Variants in CCDC191 observed in about 807,000 individuals in gnomAD.
The protein encoded by CCDC191 is coiled-coil domain-containing protein 191.
CCDC191 carries 99 observed loss-of-function variants against 114.0 expected under a neutral mutation model. The ratio of observed to expected loss-of-function variants is 0.87; its 90% CI spans 0.74 to 1.03. The LOEUF is 1.03. Among genes scored for constraint, CCDC191 ranks in the 50% least tolerant of loss-of-function variants. The pLI, the probability that CCDC191 is intolerant of heterozygous loss-of-function variation, is 0.00. For missense variants in CCDC191, 973 were observed against 1,087.0 expected (o/e 0.90, Z 1.47); for synonymous variants, 351 against 376.0 (o/e 0.93, Z 0.77).
At position 114,023,685 on chromosome 3, in the gene CCDC191, C is replaced by T. The variant is rs547089857; in HGVS notation, c.973-4817G>A. On this transcript the variant is annotated intron_variant, in intron 7 of 16. Coordinates refer to ENST00000295878, the MANE Select transcript of CCDC191 (RefSeq NM_020817.2). The stretch of plus-strand genomic sequence containing the variant: ...AAGCTGAAAATGGATCGCTTCCTTA[C>T]ACCTTATACAAAAATTAATTCAAGA... 4.6e-5 allele frequency among the ~76,000 whole-genome samples: 7 copies of T among 152,258 alleles called. No homozygotes were observed. In the East Asian group the frequency reaches 1.2e-3, roughly 25 times the overall value.
intron 16 of CCDC191, among the ~76,000 whole-genome samples, chr3:113,965,654 A>G (rs56715399): frequency 0.032 from 4,800 of 152,258 alleles, 236 homozygotes; most frequent in African/African-American, 0.11. Context: ...CAGTGGTGCA[A>G]TCTCGGCTCA....
chr3:114,001,300 G>T (rs2075851536), intron 13 of CCDC191, among the ~76,000 whole-genome samples: 1 of 152,102 alleles, frequency 6.6e-6, no homozygotes, highest in Non-Finnish European at 1.5e-5. Context: ...AATGATAACT[G>T]TCAATAATGT....
At chr3:113,982,076 C>G (rs1475114686) in intron 13 of CCDC191, among the ~76,000 whole-genome samples, 1 of 152,178 alleles carries the variant, frequency 6.6e-6, no homozygotes, top group Non-Finnish European at 1.5e-5. Flanking sequence ...AGATAATAAC[C>G]TTTGGAGAAG....
Position 114,006,615 on chromosome 3 carries a change from T to TATATATATATATATAA in CCDC191, c.1414-654_1414-653insTTATATATATATATAT, listed in dbSNP as rs1371654689. Among the ~76,000 whole-genome samples the TATATATATATATATAA allele has an allele frequency of 7.9e-4, 67 of 84,732 alleles. No homozygotes were observed. The Middle Eastern group carries it at 0.023, about 29-fold the overall frequency. The allele number at this position is 84,732 out of a possible 152,430, so 55.6% of individuals were successfully genotyped here. ...ATATATATATATATATATATATATATATAAATATATATATTTTATATATAA... is the reference window on the plus strand; with the variant it reads ...ATATATATATATATATATATATATATATATATATATATATAAATAAATATATATATTTTATATATAA... On this transcript the variant is annotated intron_variant, in intron 9 of 16. Coordinates refer to ENST00000295878, the MANE Select transcript of CCDC191 (RefSeq NM_020817.2).
At chr3:114,042,287 A>G (rs1466426714) in intron 4 of CCDC191, among the ~76,000 whole-genome samples, 2 of 152,242 alleles carry the variant, frequency 1.3e-5, no homozygotes, top group African/African-American at 4.8e-5. Context: ...CAATACAACA[A>G]TAAAAAATAA....
chr3:113,985,570 A>G (rs1032759020), intron 13 of CCDC191, among the ~76,000 whole-genome samples: 2 of 152,172 alleles, frequency 1.3e-5, no homozygotes, highest in African/African-American at 2.4e-5. Flanking sequence ...CTGAGACTTA[A>G]TCAGAACAGA....
intron 16 of CCDC191, among the ~76,000 whole-genome samples, chr3:113,970,416 T>C (rs1215885679): frequency 6.6e-6 from 1 of 152,104 alleles, no homozygotes; most frequent in Non-Finnish European, 1.5e-5. Flanking sequence ...CATAGTGGCC[T>C]CCCAAAGCCC....
Position 114,031,761 on chromosome 3 carries a change from T to G in CCDC191, c.837A>C (p.Glu279Asp), listed in dbSNP as rs1163430770. The change falls in exon 7 of 17, where the codon GAA becomes GAC. Residue 279 changes from glutamate (E) to aspartate (D), a missense_variant. Transcript: ENST00000295878. ...TTTCTGAACTATTTTGAGAATTCTC[T>G]TCTTGCCTTTTCTTCTCTCTATTAA... is the stretch of plus-strand genomic sequence containing the variant. Reference protein sequence around the residue: ...AAWKIEKKRQEENSQNSSEKV... With the variant: ...AAWKIEKKRQDENSQNSSEKV... 3 of 1,402,992 alleles carry G rather than the reference T, an allele frequency of 2.1e-6. No homozygotes were observed. In the African/African-American group the frequency reaches 4.3e-5, roughly 20 times the overall value. 86.9% of individuals were successfully genotyped at this position (1,402,992 alleles called of 1,614,324 possible).
At chr3:113,998,060 C>T (rs2075768440) in intron 13 of CCDC191, among the ~76,000 whole-genome samples, 1 of 150,908 alleles carries the variant, frequency 6.6e-6, no homozygotes, top group Non-Finnish European at 1.5e-5. Context: ...AATCCCAGCA[C>T]TTTGGGAGGC....
chr3:114,006,772 CTCTTT>C (rs2075978884), intron 9 of CCDC191, among the ~76,000 whole-genome samples: 1 of 151,704 alleles, frequency 6.6e-6, no homozygotes, highest in Admixed American at 6.6e-5. Flanking sequence ...AATAATATAT[CTCTTT>C]TCTTTCAATG....
At chr3:114,053,567 CT>C in intron 2 of CCDC191, 29 bp downstream of exon 2, 1 of 1,420,206 alleles carries the variant, frequency 7.0e-7, no homozygotes, top group Non-Finnish European at 9.8e-7. Context: ...TCTTAATACT[CT>C]TTTTATTCTA....
intron 13 of CCDC191, among the ~76,000 whole-genome samples, chr3:113,998,031 C>T (rs1020114907): frequency 4.0e-5 from 6 of 151,576 alleles, no homozygotes; most frequent in African/African-American, 1.2e-4. Context: ...GTTGGCTGGG[C>T]GTGGTGGCTC....
intron 13 of CCDC191, among the ~76,000 whole-genome samples, chr3:113,989,753 A>G (rs1345249173): frequency 6.6e-6 from 1 of 152,196 alleles, no homozygotes; most frequent in Non-Finnish European, 1.5e-5. Context: ...TGGGAGGCCA[A>G]GGTGGGAGGA....
chr3:113,990,716 C>A (rs71319392), intron 13 of CCDC191, among the ~76,000 whole-genome samples: 1 of 151,494 alleles, frequency 6.6e-6, no homozygotes, highest in African/African-American at 2.4e-5. Context: ...TTTACATACT[C>A]TCTTTCAAAA....
chr3:114,037,942 T>C (rs1022792125), intron 4 of CCDC191, among the ~76,000 whole-genome samples: 1 of 152,196 alleles, frequency 6.6e-6, no homozygotes, highest in African/African-American at 2.4e-5. Context: ...CCACAAAACA[T>C]AGGCTTTCTT....
At chr3:113,997,424 G>A (rs2075751474) in intron 13 of CCDC191, among the ~76,000 whole-genome samples, 2 of 152,074 alleles carry the variant, frequency 1.3e-5, no homozygotes, top group Non-Finnish European at 2.9e-5. Context: ...CAAGGTCCTA[G>A]AATTAGTGAC....
intron 13 of CCDC191, among the ~76,000 whole-genome samples, chr3:113,999,183 C>G (rs1278920718): frequency 2.0e-5 from 3 of 152,128 alleles, no homozygotes; most frequent in Non-Finnish European, 4.4e-5. Flanking sequence ...CACTATTACC[C>G]CTAGTAATAC....
At chr3:114,047,128 G>A in intron 2 of CCDC191, 4 of 983,246 alleles carry the variant, frequency 4.1e-6, no homozygotes, top group Non-Finnish European at 4.8e-6. Flanking sequence ...CAGAGGTAGA[G>A]TAACCACACT....
chr3:114,036,035 C>T (rs1389918409), intron 5 of CCDC191, among the ~76,000 whole-genome samples: 2 of 152,148 alleles, frequency 1.3e-5, no homozygotes, highest in Admixed American at 1.3e-4. Flanking sequence ...AGTCTTAGTT[C>T]TGGATTCTCT....
Sources: allele counts gnomAD v4.1 joint callset (sites outside exome capture counted in the v4.1 genomes callset), GRCh38; gene constraint gnomAD v4.1.1; transcripts MANE v1.5; gene names NCBI Gene and HGNC (gene_info 2026-07-23, HGNC 2026-07-21).